Variants in PDZD2 observed in about 807,000 individuals in gnomAD.
The protein encoded by PDZD2 is PDZ domain containing 2, also known as PDZ domain-containing protein 2.
PDZD2 carries 90 observed loss-of-function variants against 220.7 expected under a neutral mutation model. That is an observed-to-expected ratio of 0.41 (90% CI 0.34 to 0.49). The LOEUF (loss-of-function observed/expected upper bound fraction) is 0.49, where lower values mean the gene tolerates loss of function less well. PDZD2 is among the 20% of genes least tolerant of loss of function. The pLI is 0.28. For synonymous variants in PDZD2, 1,375 were observed against 1,450.5 expected, an observed-to-expected ratio of 0.95 and a Z score of 1.18; for missense variants, 3,174 against 3,608.5, an observed-to-expected ratio of 0.88 and a Z score of 3.08.
At chr5:31,901,730 CT>C (rs1742123812) in intron 2 of PDZD2, among the ~76,000 whole-genome samples, 1 of 152,144 alleles carries the variant, frequency 6.6e-6, no homozygotes, top group African/African-American at 2.4e-5. Context: ...TTAATCACCC[CT>C]AAAAGAAACC....
intron 2 of PDZD2, among the ~76,000 whole-genome samples, chr5:31,809,308 ATTAT>A (rs1028219682): frequency 7.9e-5 from 12 of 152,220 alleles, no homozygotes; most frequent in Admixed American, 7.2e-4. Flanking sequence ...AGTCCAGTTT[ATTAT>A]TCACAGGCTG....
At chr5:31,981,992 T>C (rs1453880922) in intron 2 of PDZD2, among the ~76,000 whole-genome samples, 1 of 152,234 alleles carries the variant, frequency 6.6e-6, no homozygotes, top group Non-Finnish European at 1.5e-5. Context: ...TATTACTTCC[T>C]GCTTCTAAAT....
chr5:31,692,486 C>A (rs759448557), intron 1 of PDZD2, among the ~76,000 whole-genome samples: 1 of 152,242 alleles, frequency 6.6e-6, no homozygotes, highest in African/African-American at 2.4e-5. Flanking sequence ...GTGCCGAGAG[C>A]GAGCGAGGGC....
rs1247760747 is a variant in PDZD2 at position 31,721,716 on chromosome 5, T to TA, written c.-360-77165dup. Among the ~76,000 whole-genome samples the TA allele has an allele frequency of 2.9e-4, 42 of 142,684 alleles. 1 individual carries two copies. In the East Asian group the frequency reaches 3.0e-3, roughly 10 times the overall value. 93.6% of individuals were successfully genotyped at this position (142,684 alleles called of 152,430 possible). A position where few individuals can be genotyped will look rare whatever the true frequency, so the allele number is the denominator to read the frequency against. Reference sequence around the variant, plus strand: ...TTCTGCCTTCCCTATCTTAGATTCTTAAAAAAAATGAGGCTTAGCTGTCTC... The same window carrying TA: ...TTCTGCCTTCCCTATCTTAGATTCTTAAAAAAAAATGAGGCTTAGCTGTCTC... On this transcript the variant is annotated intron_variant, in intron 1 of 24. Coordinates refer to ENST00000438447, the MANE Select transcript of PDZD2 (RefSeq NM_178140.4).
rs557395054 is a variant in PDZD2 at position 31,799,548 on chromosome 5, C to T, written c.300C>T (p.Arg100=). 50 of 1,614,044 alleles carry T rather than the reference C, an allele frequency of 3.1e-5. No individual in the cohort carries two copies. In the East Asian group the frequency reaches 1.0e-3, roughly 33 times the overall value. The change falls in exon 2 of 25, where the codon CGC becomes CGT. Residue 100 remains arginine, a synonymous_variant. Coordinates refer to ENST00000438447, the MANE Select transcript of PDZD2 (RefSeq NM_178140.4). ...IPVFGDYGEK[R]RGGKKRKTHQ... is the part of the protein sequence containing the mutation. ...TTTTCGGGGACTATGGTGAAAAGCG[C>T]AGGGGGGGCAAGAAGAGGAAAACCC...
chr5:32,027,254 T>C (rs1754744742), intron 6 of PDZD2, among the ~76,000 whole-genome samples: 1 of 152,322 alleles, frequency 6.6e-6, no homozygotes, highest in South Asian at 2.1e-4. Flanking sequence ...CTAGCCTCTC[T>C]TGGGAACATG....
intron 3 of PDZD2, among the ~76,000 whole-genome samples, chr5:31,984,691 C>T (rs571829312): frequency 6.6e-6 from 1 of 152,186 alleles, no homozygotes; most frequent in South Asian, 2.1e-4. Context: ...TGGTGGAACC[C>T]TGTCTCTACC....
chr5:31,787,808 G>A (rs765980148), intron 1 of PDZD2: 3 of 152,056 alleles, frequency 2.0e-5, no homozygotes, highest in Non-Finnish European at 4.4e-5. Context: ...CCTCAGCATT[G>A]ACCTTGGAAA....
intron 19 of PDZD2, among the ~76,000 whole-genome samples, chr5:32,085,998 G>A (rs73061711): frequency 0.027 from 4,138 of 151,818 alleles, 200 homozygotes; most frequent in African/African-American, 0.096. Context: ...TCACTCTCTG[G>A]CCAAACTCCC....
intron 1 of PDZD2, among the ~76,000 whole-genome samples, chr5:31,645,906 G>A (rs1745117929): frequency 6.6e-6 from 1 of 152,074 alleles, no homozygotes; most frequent in Non-Finnish European, 1.5e-5. Context: ...GGAGGAGGGT[G>A]GGAGAGATGG....
Position 31,772,847 on chromosome 5 carries a change from TCTGCAGCTCAA to T in PDZD2, c.-360-26038_-360-26028del, listed in dbSNP as rs545078088. Among the ~76,000 whole-genome samples the T allele has an allele frequency of 3.5e-3, 534 of 152,332 alleles. 1 individual carries two copies. Among genetic ancestry groups the T allele is most frequent in the South Asian group, 7.3e-3 (35 of 4,826 alleles). On this transcript the variant is annotated intron_variant, in intron 1 of 24. Coordinates refer to ENST00000438447, the MANE Select transcript of PDZD2 (RefSeq NM_178140.4). ...ATCAATCACAGACCAACCAGAAGTT[TCTGCAGCTCAA>T]CTGAGTAACTGGAGCAAGGAGACCA...
intron 1 of PDZD2, among the ~76,000 whole-genome samples, chr5:31,775,744 C>T (rs1752608969): frequency 6.7e-6 from 1 of 149,972 alleles, no homozygotes; most frequent in African/African-American, 2.5e-5. Flanking sequence ...ACGTGTTGGC[C>T]TTCCAACGCT....
chr5:32,105,418 AT>A (rs959782563), intron 24 of PDZD2, among the ~76,000 whole-genome samples: 10 of 152,052 alleles, frequency 6.6e-5, no homozygotes, highest in African/African-American at 2.4e-4. Context: ...AGGAAAACAC[AT>A]TTTTTTTCTC....
At chr5:31,976,716 T>C (rs1234629162) in intron 2 of PDZD2, among the ~76,000 whole-genome samples, 103 of 1,240 alleles carry the variant, frequency 0.083, no homozygotes, top group African/African-American at 0.25. Context: ...TCTTCTTTCT[T>C]TTTTTTTTTT....
intron 6 of PDZD2, among the ~76,000 whole-genome samples, chr5:32,026,532 T>C (rs1004393370): frequency 1.3e-5 from 2 of 152,176 alleles, no homozygotes; most frequent in Non-Finnish European, 2.9e-5. Flanking sequence ...CCTGTATGCA[T>C]GTGTATGCGT....
At chr5:31,860,000 T>C (rs760545136) in intron 2 of PDZD2, among the ~76,000 whole-genome samples, 6 of 152,112 alleles carry the variant, frequency 3.9e-5, no homozygotes, top group South Asian at 2.1e-4. Flanking sequence ...GGTGGTTTCA[T>C]TGGAGGATTC....
At chr5:31,763,355 A>G (rs1377871548) in intron 1 of PDZD2, among the ~76,000 whole-genome samples, 3 of 152,086 alleles carry the variant, frequency 2.0e-5, no homozygotes, top group African/African-American at 7.2e-5. Context: ...CACACTGTCT[A>G]CCTCAGCCAT....
At chr5:31,711,558 G>A (rs746144847) in intron 1 of PDZD2, among the ~76,000 whole-genome samples, 52 of 152,324 alleles carry the variant, frequency 3.4e-4, no homozygotes, top group Non-Finnish European at 2.2e-4. Context: ...GCAGAGAGGT[G>A]GAGGGAGGTA....
At chr5:31,796,942 T>G (rs1341596483) in intron 1 of PDZD2, among the ~76,000 whole-genome samples, 1 of 151,692 alleles carries the variant, frequency 6.6e-6, no homozygotes, top group Non-Finnish European at 1.5e-5. Context: ...TTGTTTTTTT[T>G]TTTGAGACGG....
Sources: gnomAD v4.1 joint callset for allele counts (sites outside exome capture counted in the v4.1 genomes callset) on GRCh38, gnomAD v4.1.1 for gene constraint, MANE v1.5 for transcripts, NCBI Gene and HGNC (gene_info 2026-07-23, HGNC 2026-07-21) for gene names.